The following CACNA2D3 variants were observed in gnomAD, a reference collection of about 807,000 sequenced individuals.
The protein encoded by CACNA2D3 is voltage-dependent calcium channel subunit alpha-2/delta-3.
In CACNA2D3, 60 loss-of-function variants were observed where a neutral mutation model predicts 160.6. The observed-to-expected ratio is 0.37, with a 90% confidence interval of 0.30 to 0.46. The LOEUF (loss-of-function observed/expected upper bound fraction) is 0.46, where lower values mean the gene tolerates loss of function less well. Among genes scored for constraint, CACNA2D3 ranks in the 20% least tolerant of loss-of-function variants. The pLI, the probability that CACNA2D3 is intolerant of heterozygous loss-of-function variation, is 1.00. For synonymous variants in CACNA2D3, 558 were observed against 492.9 expected (o/e 1.13, Z -1.75); for missense variants, 1,205 against 1,365.0 (o/e 0.88, Z 1.85).
intron 27 of CACNA2D3, among the ~76,000 whole-genome samples, chr3:54,942,255 G>A (rs1023643150): frequency 6.6e-6 from 1 of 152,118 alleles, no homozygotes; most frequent in Admixed American, 6.5e-5. Flanking sequence ...GTCCCAGCAT[G>A]GCTAAGACTC....
chr3:54,667,116 C>T (rs1575414027), intron 11 of CACNA2D3, among the ~76,000 whole-genome samples: 2 of 151,904 alleles, frequency 1.3e-5, no homozygotes, highest in African/African-American at 4.9e-5. Flanking sequence ...ATGTTAATTA[C>T]TCATCTATAT....
intron 16 of CACNA2D3, among the ~76,000 whole-genome samples, chr3:54,844,592 G>A (rs1454701888): frequency 2.0e-5 from 3 of 151,648 alleles, no homozygotes; most frequent in African/African-American, 4.8e-5. Flanking sequence ...CAACCACCCC[G>A]CCATATATTG....
chr3:54,595,521 C>T (rs1420865460), intron 9 of CACNA2D3, among the ~76,000 whole-genome samples: 2 of 152,178 alleles, frequency 1.3e-5, no homozygotes, highest in African/African-American at 4.8e-5. Context: ...GAGACTGAGA[C>T]TGCTGCTTGT....
intron 5 of CACNA2D3, among the ~76,000 whole-genome samples, chr3:54,515,813 C>T (rs926216386): frequency 6.6e-6 from 1 of 152,164 alleles, no homozygotes; most frequent in African/African-American, 2.4e-5. Flanking sequence ...TCAGTGCTTC[C>T]AAGGGTCACA....
chr3:54,440,619 A>C (rs1700128991), intron 4 of CACNA2D3, among the ~76,000 whole-genome samples: 1 of 152,102 alleles, frequency 6.6e-6, no homozygotes, highest in South Asian at 2.1e-4. Flanking sequence ...TATATCTCCT[A>C]ATGCTATCCC....
At chr3:54,855,458 A>G (rs1036221485) in intron 17 of CACNA2D3, among the ~76,000 whole-genome samples, 1 of 152,312 alleles carries the variant, frequency 6.6e-6, no homozygotes, top group East Asian at 1.9e-4. Flanking sequence ...CAGCTCATGT[A>G]TACCACGTGC....
intron 3 of CACNA2D3, among the ~76,000 whole-genome samples, chr3:54,362,275 G>A (rs1373804426): frequency 6.6e-6 from 1 of 152,194 alleles, no homozygotes; most frequent in Non-Finnish European, 1.5e-5. Context: ...CCTTCAGGTT[G>A]TTGGCAGGAT....
At chr3:54,147,578 C>G (rs935920501) in intron 2 of CACNA2D3, among the ~76,000 whole-genome samples, 3 of 152,260 alleles carry the variant, frequency 2.0e-5, no homozygotes, top group Admixed American at 2.0e-4. Context: ...CTCTTCCATA[C>G]TCTGTGTGAC....
intron 17 of CACNA2D3, among the ~76,000 whole-genome samples, chr3:54,856,311 G>C (rs1699169582): frequency 6.6e-6 from 1 of 152,200 alleles, no homozygotes; most frequent in South Asian, 2.1e-4. Context: ...GCTAGGGAAG[G>C]CTGCAGGGAG....
At chr3:54,835,105 T>C (rs34087197) in intron 14 of CACNA2D3, among the ~76,000 whole-genome samples, 9,260 of 152,274 alleles carry the variant, frequency 0.061, 382 homozygotes, top group Middle Eastern at 0.15. Context: ...ATTAACCATG[T>C]CACCATGAGT....
chr3:54,274,408 C>T, intron 2 of CACNA2D3, among the ~76,000 whole-genome samples: 1 of 152,130 alleles, frequency 6.6e-6, no homozygotes, highest in East Asian at 1.9e-4. Context: ...CAAGTCTCCT[C>T]AGACACCTTT....
intron 3 of CACNA2D3, among the ~76,000 whole-genome samples, chr3:54,341,822 T>C (rs71301876): frequency 6.6e-6 from 1 of 151,236 alleles, no homozygotes; most frequent in African/African-American, 2.4e-5. Flanking sequence ...TAGAGTGCGG[T>C]TTTTTTTTGT....
intron 12 of CACNA2D3, among the ~76,000 whole-genome samples, chr3:54,754,939 C>T (rs543327593): frequency 1.5e-4 from 23 of 152,280 alleles, no homozygotes; most frequent in Middle Eastern, 3.4e-3. Context: ...GCTTGGGTCT[C>T]ACAAGGGAGA....
chr3:54,883,667 C>T (rs922559382), intron 21 of CACNA2D3, among the ~76,000 whole-genome samples: 12 of 152,046 alleles, frequency 7.9e-5, no homozygotes, highest in African/African-American at 2.9e-4. Flanking sequence ...AGGTACAGTC[C>T]CTTCTCAGGG....
At chr3:54,870,558 A>G (rs545857149) in intron 17 of CACNA2D3, among the ~76,000 whole-genome samples, 61 of 152,366 alleles carry the variant, frequency 4.0e-4, no homozygotes, top group Admixed American at 1.0e-3. Context: ...CCCCACAACC[A>G]GCATGAAAGG....
At chr3:54,706,512 A>T (rs1043079081) in intron 11 of CACNA2D3, among the ~76,000 whole-genome samples, 3 of 152,218 alleles carry the variant, frequency 2.0e-5, no homozygotes, top group Admixed American at 2.0e-4. Flanking sequence ...TTTATTTATT[A>T]AAAATGGTAT....
At chr3:54,761,696 G>A (rs1702083511) in intron 12 of CACNA2D3, among the ~76,000 whole-genome samples, 1 of 152,180 alleles carries the variant, frequency 6.6e-6, no homozygotes, top group South Asian at 2.1e-4. Context: ...TTCCTTTGGG[G>A]CCCTGTTTCC....
intron 13 of CACNA2D3, among the ~76,000 whole-genome samples, chr3:54,788,881 C>T (rs1702690889): frequency 1.3e-5 from 2 of 152,128 alleles, no homozygotes; most frequent in South Asian, 4.1e-4. Context: ...CTTAGGTATT[C>T]ATTTCTAAAA....
chr3:54,285,553 G>T (rs556920848), intron 2 of CACNA2D3, among the ~76,000 whole-genome samples: 2 of 152,308 alleles, frequency 1.3e-5, no homozygotes. Context: ...AGACTTAAAT[G>T]TCCCTGTCTG....
Sources: allele counts gnomAD v4.1 joint callset (sites outside exome capture counted in the v4.1 genomes callset), GRCh38; gene constraint gnomAD v4.1.1; transcripts MANE v1.5; gene names NCBI Gene and HGNC (gene_info 2026-07-23, HGNC 2026-07-21).